The following KCNQ1 variants were observed in gnomAD, a reference collection of about 807,000 sequenced individuals.
KCNQ1 encodes the protein potassium voltage-gated channel subfamily KQT member 1.
KCNQ1 carries 49 observed loss-of-function variants against 72.4 expected under a neutral mutation model. That is an observed-to-expected ratio of 0.68 (90% CI 0.54 to 0.86). The LOEUF (loss-of-function observed/expected upper bound fraction) is 0.86. Ranked by LOEUF, KCNQ1 falls within the 40% of genes least tolerant of loss-of-function variation. The pLI, the probability that KCNQ1 is intolerant of heterozygous loss-of-function variation, is 0.00. For synonymous variants in KCNQ1, 450 were observed against 412.6 expected, an observed-to-expected ratio of 1.09 and a Z score of -1.10; for missense variants, 790 against 945.1, an observed-to-expected ratio of 0.84 and a Z score of 2.15.
intron 1 of KCNQ1, among the ~76,000 whole-genome samples, chr11:2,517,998 T>G (rs2133628534): frequency 6.6e-6 from 1 of 152,364 alleles, no homozygotes; most frequent in Admixed American, 6.5e-5. Flanking sequence ...CACTTCCAGA[T>G]TCACCCGGAG....
rs1394317223 is a variant in KCNQ1, at chr11:2,653,628, A to G, written c.1394-8333A>G. 4 of 398,464 alleles carry G rather than the reference A, an allele frequency of 1.0e-5. No individual in the cohort carries two copies. The highest frequency in any genetic ancestry group is 1.8e-5 in the Non-Finnish European group (4 of 226,080). 24.7% of individuals were successfully genotyped at this position (398,464 alleles called of 1,614,324 possible). On this transcript the variant is annotated intron_variant, in intron 10 of 15. Transcript: ENST00000155840. The surrounding 1 kb of genome is among the most constrained non-coding windows in gnomAD (Gnocchi z 5.3). ...GGCCCCATGGGATGGCTGTATCCTT[A>G]GGCAGCTACTTTCTAAAAGGGGCAA...
intron 15 of KCNQ1, among the ~76,000 whole-genome samples, chr11:2,844,515 G>A (rs553887321): frequency 6.6e-6 from 1 of 152,336 alleles, no homozygotes; most frequent in African/African-American, 2.4e-5. Flanking sequence ...GCCCTTCAGT[G>A]TCCGTCGGAG....
intron 11 of KCNQ1, among the ~76,000 whole-genome samples, chr11:2,744,789 C>T (rs1325408111): frequency 6.6e-6 from 1 of 152,222 alleles, no homozygotes; most frequent in African/African-American, 2.4e-5. Context: ...CAGCCTTTGT[C>T]ATTCAGGCCT....
chr11:2,790,645 C>T (rs530903355), intron 15 of KCNQ1, among the ~76,000 whole-genome samples: 5 of 152,346 alleles, frequency 3.3e-5, no homozygotes, highest in East Asian at 3.9e-4. Flanking sequence ...TGAGACTCGG[C>T]GAGTCACGTG....
At chr11:2,689,850 A>G (rs1030125050) in intron 11 of KCNQ1, 8 of 398,698 alleles carry the variant, frequency 2.0e-5, no homozygotes, top group African/African-American at 1.4e-4. Flanking sequence ...GTGGCCTGCC[A>G]CTTAGCACCC....
chr11:2,708,687 G>A (rs1407072792), intron 11 of KCNQ1, among the ~76,000 whole-genome samples: 1 of 152,154 alleles, frequency 6.6e-6, no homozygotes, highest in Non-Finnish European at 1.5e-5. Flanking sequence ...GCTCTTAGGA[G>A]GCAGAAGATA....
intron 15 of KCNQ1, among the ~76,000 whole-genome samples, chr11:2,841,677 C>T (rs1487945585): frequency 6.6e-6 from 1 of 152,172 alleles, no homozygotes; most frequent in South Asian, 2.1e-4. Flanking sequence ...AAGTAGCTGA[C>T]GGGGACATCC....
chr11:2,846,229 T>G (rs1480056300), intron 15 of KCNQ1, among the ~76,000 whole-genome samples: 2 of 152,200 alleles, frequency 1.3e-5, no homozygotes, highest in African/African-American at 2.4e-5. Context: ...GCCTGCTGCC[T>G]GTGCTTAGGG....
chr11:2,644,629 T>A (rs1849638639), intron 10 of KCNQ1: 1 of 398,524 alleles, frequency 2.5e-6, no homozygotes, highest in Non-Finnish European at 4.4e-6. Flanking sequence ...TCATGTTTCT[T>A]GTGTGCTTAC....
rs1324577291 is a variant in KCNQ1, at chr11:2,537,985, G to A, written c.477+9967G>A. On this transcript the variant is annotated intron_variant, in intron 2 of 15. Coordinates refer to ENST00000155840, the MANE Select transcript of KCNQ1 (RefSeq NM_000218.3). The surrounding 1 kb of genome is among the most constrained non-coding windows in gnomAD (Gnocchi z 5.2). Reference sequence around the variant, plus strand: ...CCCACCTCGGCCAACCCAAAGTGCTGAGATTATAGGCATGAACCACTGCAC... The same window carrying A: ...CCCACCTCGGCCAACCCAAAGTGCTAAGATTATAGGCATGAACCACTGCAC... Among the ~76,000 whole-genome samples the A allele has an allele frequency of 1.3e-5, 2 of 152,212 alleles. No individual in the cohort carries two copies. The highest frequency in any genetic ancestry group is 2.4e-5 in the African/African-American group (1 of 41,458).
rs1850992229 is a variant in KCNQ1 at position 2,710,986 on chromosome 11, C to A, written c.1514+48905C>A. On this transcript the variant is annotated intron_variant, in intron 11 of 15. Coordinates refer to ENST00000155840, the MANE Select transcript of KCNQ1 (RefSeq NM_000218.3). The surrounding 1 kb of genome is among the most constrained non-coding windows in gnomAD (Gnocchi z 4.1). The stretch of plus-strand genomic sequence containing the variant: ...CCCTTGAATTTCCATATGAATTTTA[C>A]AATCAGCTTGTCAATTTCTGCAAAG... 6.6e-6 allele frequency among the ~76,000 whole-genome samples: 1 copy of A among 152,138 alleles called. No homozygotes were observed. Among genetic ancestry groups the A allele is most frequent in the Non-Finnish European group, 1.5e-5 (1 of 68,026 alleles).
At position 2,481,235 on chromosome 11, in the gene KCNQ1, T is replaced by A. The variant is rs1846645869; in HGVS notation, c.386+35751T>A. On this transcript the variant is annotated intron_variant, in intron 1 of 15. Transcript: ENST00000155840. The surrounding 1 kb of genome is among the most constrained non-coding windows in gnomAD (Gnocchi z 4.6). The stretch of plus-strand genomic sequence containing the variant: ...AGATCAGTTTTTCTGATTGTAAAGT[T>A]CAGAAATGTTAATCAGAGAACGTGC... Among the ~76,000 whole-genome samples, 1 of 152,180 alleles carries A rather than the reference T, an allele frequency of 6.6e-6. No homozygotes were observed. The highest frequency in any genetic ancestry group is 1.5e-5 in the Non-Finnish European group (1 of 68,018).
rs1846625016 is a variant in KCNQ1, at chr11:2,772,875, C to T, written c.1591-3085C>T. 6.6e-6 allele frequency among the ~76,000 whole-genome samples: 1 copy of T among 152,228 alleles called. No homozygotes were observed. Among genetic ancestry groups the T allele is most frequent in the Non-Finnish European group, 1.5e-5 (1 of 68,042 alleles). Reference sequence around the variant, plus strand: ...CCTCCCTTCACCTGCCCACACCGCACCCAGATGGCTGGAGGTGCCCCATGC... The same window carrying T: ...CCTCCCTTCACCTGCCCACACCGCATCCAGATGGCTGGAGGTGCCCCATGC... On this transcript the variant is annotated intron_variant, in intron 12 of 15. Coordinates refer to ENST00000155840, the MANE Select transcript of KCNQ1 (RefSeq NM_000218.3). This position sits in a 1 kb window ranked among gnomAD's most constrained non-coding sequence, Gnocchi z 6.6.
chr11:2,627,962 G>A lies in KCNQ1; in HGVS notation c.1394-33999G>A. ...AGATAGGGTATCACTATGTTTCCTA[G>A]GCTGGTCTCAAACTCCTGTGTTCAA... On this transcript the variant is annotated intron_variant, in intron 10 of 15. Coordinates refer to ENST00000155840, the MANE Select transcript of KCNQ1 (RefSeq NM_000218.3). The surrounding 1 kb of genome is among the most constrained non-coding windows in gnomAD (Gnocchi z 4.9). 2 of 398,528 alleles carry A rather than the reference G, an allele frequency of 5.0e-6. No individual in the cohort carries two copies. The highest frequency in any genetic ancestry group is 3.6e-5 in the East Asian group (1 of 28,062). 24.7% of individuals were successfully genotyped at this position (398,528 alleles called of 1,614,324 possible). A position where few individuals can be genotyped will look rare whatever the true frequency, so the allele number is the denominator to read the frequency against.
chr11:2,709,749 T>C (rs1850974808), intron 11 of KCNQ1, among the ~76,000 whole-genome samples: 1 of 152,236 alleles, frequency 6.6e-6, no homozygotes, highest in African/African-American at 2.4e-5. Context: ...AGCAGACTTT[T>C]GTGGCTGACT....
chr11:2,631,595 C>G (rs1849354036), intron 10 of KCNQ1: 1 of 398,390 alleles, frequency 2.5e-6, no homozygotes, highest in Non-Finnish European at 4.4e-6. Flanking sequence ...GAGTCAGTCC[C>G]TGAAAATTAT....
intron 11 of KCNQ1, chr11:2,689,372 G>T (rs1850551102): frequency 5.0e-6 from 2 of 398,612 alleles, no homozygotes; most frequent in Non-Finnish European, 8.8e-6. Flanking sequence ...GGGAAGAGGT[G>T]CTTGAGTGGG....
In KCNQ1 at chr11:2,647,821, GT is replaced by G; in HGVS notation, c.1394-14139del. On this transcript the variant is annotated intron_variant, in intron 10 of 15. Coordinates refer to ENST00000155840, the MANE Select transcript of KCNQ1 (RefSeq NM_000218.3). The surrounding 1 kb of genome is among the most constrained non-coding windows in gnomAD (Gnocchi z 4.0). ...GTCTCTAATAATCTTTTGTATTTCTGTGGTGTCCATTGTAAGTCTCCTTTTT... is the reference window on the plus strand; with the variant it reads ...GTCTCTAATAATCTTTTGTATTTCTGGGTGTCCATTGTAAGTCTCCTTTTT... 1 of 398,358 alleles carries G rather than the reference GT, an allele frequency of 2.5e-6. No individual in the cohort carries two copies. The allele number at this position is 398,358 out of a possible 1,614,324, so 24.7% of individuals were successfully genotyped here. A position where few individuals can be genotyped will look rare whatever the true frequency, so the allele number is the denominator to read the frequency against.
intron 11 of KCNQ1, chr11:2,693,658 G>A (rs1850625847): frequency 2.5e-6 from 1 of 398,572 alleles, no homozygotes; most frequent in Non-Finnish European, 4.4e-6. Context: ...AAGGCTTTTA[G>A]TTCCGCAGAC....
Sources: allele counts gnomAD v4.1 joint callset (sites outside exome capture counted in the v4.1 genomes callset), GRCh38; gene constraint gnomAD v4.1.1; non-coding constraint Gnocchi (gnomAD v3.1); transcripts MANE v1.5; gene names NCBI Gene and HGNC (gene_info 2026-07-23, HGNC 2026-07-21).